Variants in SRGAP3 observed in about 807,000 individuals in gnomAD.
SRGAP3 encodes SLIT-ROBO Rho GTPase activating protein 3.
Under a neutral mutation model 121.1 loss-of-function variants are expected in SRGAP3, and 39 were observed. That is an observed-to-expected ratio of 0.32 (90% CI 0.25 to 0.42). The LOEUF is 0.42. Among genes scored for constraint, SRGAP3 ranks in the 10% least tolerant of loss-of-function variants. The pLI is 1.00. For synonymous variants in SRGAP3, 601 were observed against 570.0 expected (o/e 1.05, Z -0.77); for missense variants, 1,213 against 1,470.6 (o/e 0.82, Z 2.86).
rs117444229 is a variant in SRGAP3, at chr3:9,114,582, G to C, written c.261-9740C>G. Among the ~76,000 whole-genome samples the C allele has an allele frequency of 3.3e-4, 50 of 152,298 alleles. No individual in the cohort carries two copies. In the East Asian group the frequency reaches 7.7e-3, roughly 24 times the overall value. The stretch of plus-strand genomic sequence containing the variant: ...CCATTCCTCACACTGCAGCATGAGG[G>C]TACACGTTGGTGTCTGGTGTCCAGC... On this transcript the variant is annotated intron_variant, in intron 2 of 21. Transcript: ENST00000383836.
In SRGAP3 at chr3:9,110,030, T is replaced by C. The variant is rs1364728702; in HGVS notation, c.261-5188A>G. ...GTCAGCAGGCAGACCTTGAAGGGTT[T>C]ACAGAAGGGGAGTGAAAGGGTAAAA... On this transcript the variant is annotated intron_variant, in intron 2 of 21. Transcript: ENST00000383836. 2.0e-5 allele frequency among the ~76,000 whole-genome samples: 3 copies of C among 152,128 alleles called. No homozygotes were observed. The East Asian group carries it at 5.8e-4, about 29-fold the overall frequency.
chr3:9,220,433 G>T (rs1233206007), intron 1 of SRGAP3, among the ~76,000 whole-genome samples: 2 of 152,142 alleles, frequency 1.3e-5, no homozygotes, highest in Non-Finnish European at 2.9e-5. Context: ...AGCCTCCTCT[G>T]CAGCTCCTGG....
intron 12 of SRGAP3, 29 bp downstream of exon 12, chr3:9,032,621 C>T (rs746018151): frequency 8.7e-6 from 14 of 1,601,502 alleles, no homozygotes; most frequent in Admixed American, 1.7e-5. Context: ...TGGGTGCATT[C>T]GCGGACTCCA....
chr3:9,127,742 C>T (rs756338623), intron 1 of SRGAP3, among the ~76,000 whole-genome samples: 32 of 152,072 alleles, frequency 2.1e-4, no homozygotes, highest in African/African-American at 5.3e-4. Context: ...CCACTGCACC[C>T]GGCCTAGTAA....
intron 3 of SRGAP3, among the ~76,000 whole-genome samples, chr3:9,286,792 C>T (rs951796297): frequency 2.0e-5 from 3 of 150,826 alleles, no homozygotes; most frequent in Non-Finnish European, 3.0e-5. Flanking sequence ...TTAGTAGAGA[C>T]GGGGTCTCAC....
At chr3:9,174,753 G>A (rs1951116155) in intron 1 of SRGAP3, among the ~76,000 whole-genome samples, 1 of 152,128 alleles carries the variant, frequency 6.6e-6, no homozygotes, top group African/African-American at 2.4e-5. Context: ...TCCTCCAGGG[G>A]GACTCCCATT....
At chr3:9,097,455 A>T (rs1038656002) in intron 3 of SRGAP3, among the ~76,000 whole-genome samples, 1 of 152,194 alleles carries the variant, frequency 6.6e-6, no homozygotes, top group Admixed American at 6.5e-5. Context: ...CTCACACAGC[A>T]GGAAAGTGGC....
At position 9,187,682 on chromosome 3, in the gene SRGAP3, C is replaced by T. The variant is rs1951640281; in HGVS notation, c.67+61203G>A. ...TCTGTGTTGCTTCTTGCTGACAGGG[C>T]ATGCTCTGCCTCTCTCTCCTGCCCT... On this transcript the variant is annotated intron_variant, in intron 1 of 21. Transcript: ENST00000383836. Among the ~76,000 whole-genome samples, 2 of 152,194 alleles carry T rather than the reference C, an allele frequency of 1.3e-5. 1 individual carries two copies. Among genetic ancestry groups the T allele is most frequent in the Non-Finnish European group, 2.9e-5 (2 of 68,048 alleles).
chr3:9,175,283 T>C (rs911008278), intron 1 of SRGAP3, among the ~76,000 whole-genome samples: 3 of 152,216 alleles, frequency 2.0e-5, no homozygotes, highest in Non-Finnish European at 2.9e-5. Context: ...TGTCTTATAC[T>C]TTGGTTTCTT....
Position 9,249,232 on chromosome 3 carries a change from CAA to C in SRGAP3, c.-283_-282del, listed in dbSNP as rs1559242380. On this transcript the variant is annotated 5_prime_UTR_variant, in exon 1 of 22. The change abolishes the stop of an existing upstream ORF in the 5' untranslated region. Coordinates refer to ENST00000383836, the MANE Select transcript of SRGAP3 (RefSeq NM_014850.4). ...AGCACAGTAACCTGCCCCAGATTTTCAAAGATTTTTCTTCCAAAAATAATAAT... is the reference window on the plus strand; with the variant it reads ...AGCACAGTAACCTGCCCCAGATTTTCAGATTTTTCTTCCAAAAATAATAAT... 1 of 524,528 alleles carries C rather than the reference CAA, an allele frequency of 1.9e-6. No homozygotes were observed. Among genetic ancestry groups the C allele is most frequent in the Non-Finnish European group, 3.4e-6 (1 of 290,218 alleles). The allele number at this position is 524,528 out of a possible 1,614,324, so 32.5% of individuals were successfully genotyped here.
At chr3:9,129,254 T>A (rs1949352076) in intron 1 of SRGAP3, among the ~76,000 whole-genome samples, 1 of 151,424 alleles carries the variant, frequency 6.6e-6, no homozygotes, top group South Asian at 2.1e-4. Context: ...TTGATACAGT[T>A]TTAAGAGAGT....
In SRGAP3 at chr3:8,985,036, T is replaced by C. The variant is rs909184969; in HGVS notation, c.*483A>G. The stretch of plus-strand genomic sequence containing the variant: ...AAGTTTCATAAAAAGAAAAAGGAGA[T>C]ACTATATACACTTAGTATGCGTGTG... On this transcript the variant is annotated 3_prime_UTR_variant, in exon 22 of 22. Coordinates refer to ENST00000383836, the MANE Select transcript of SRGAP3 (RefSeq NM_014850.4). The surrounding 1 kb of genome is among the most constrained non-coding windows in gnomAD (Gnocchi z 5.1). The C allele has an allele frequency of 3.5e-5, 8 of 228,396 alleles. No homozygotes were observed. The highest frequency in any genetic ancestry group is 5.2e-5 in the Non-Finnish European group (6 of 115,066). The allele number at this position is 228,396 out of a possible 1,614,324, so 14.1% of individuals were successfully genotyped here.
intron 4 of SRGAP3, among the ~76,000 whole-genome samples, chr3:9,068,573 G>C (rs935971929): frequency 7.9e-5 from 12 of 152,292 alleles, no homozygotes; most frequent in African/African-American, 2.9e-4. Context: ...ACTTATGACA[G>C]ACAGCTGCCA....
Position 8,981,525 on chromosome 3 carries a change from C to T in SRGAP3, c.*3994G>A, listed in dbSNP as rs1941412907. On this transcript the variant is annotated 3_prime_UTR_variant, in exon 22 of 22. Coordinates refer to ENST00000383836, the MANE Select transcript of SRGAP3 (RefSeq NM_014850.4). ...CTCGTGTTTTTCCATTAGCTGTGGA[C>T]ATGCACTGAATGCCACATCACGACC... The T allele has an allele frequency of 8.6e-6, 2 of 232,714 alleles. No homozygotes were observed. Among genetic ancestry groups the T allele is most frequent in the Non-Finnish European group, 1.7e-5 (2 of 117,530 alleles). The allele number at this position is 232,714 out of a possible 1,614,324, so 14.4% of individuals were successfully genotyped here. A position where few individuals can be genotyped will look rare whatever the true frequency, so the allele number is the denominator to read the frequency against.
At chr3:9,027,428 G>T in intron 12 of SRGAP3, among the ~76,000 whole-genome samples, 1 of 152,162 alleles carries the variant, frequency 6.6e-6, no homozygotes, top group Admixed American at 6.5e-5. Flanking sequence ...CCTGATGTCA[G>T]AATTAAGGGC....
intron 1 of SRGAP3, among the ~76,000 whole-genome samples, chr3:9,153,877 G>A (rs371743419): frequency 9.9e-5 from 15 of 152,130 alleles, no homozygotes; most frequent in East Asian, 7.7e-4. Context: ...CTTTGGAATT[G>A]AAACCCCTGT....
rs1380137515 is a variant in SRGAP3, at chr3:9,249,095, C to T, written c.-144G>A. ...TAATCTCTTTCACTTGGCTGCAGAG[C>T]AGGGAGAAAAATCCTTCTCCTTCTG... On this transcript the variant is annotated 5_prime_UTR_variant, in exon 1 of 22. Coordinates refer to ENST00000383836, the MANE Select transcript of SRGAP3 (RefSeq NM_014850.4). The T allele has an allele frequency of 2.4e-6, 2 of 818,286 alleles. No homozygotes were observed. Among genetic ancestry groups the T allele is most frequent in the African/African-American group, 1.7e-5 (1 of 58,570 alleles). 50.7% of individuals were successfully genotyped at this position (818,286 alleles called of 1,614,324 possible).
In SRGAP3 at chr3:9,266,667, G is replaced by GTT. The variant is rs5846628; in HGVS notation, n.442+59341_442+59342dup. On this transcript the variant is annotated intron_variant and non_coding_transcript_variant, in intron 3 of 3. Coordinates refer to the SRGAP3 transcript ENST00000490889. ...GTTTTGGTTTGGTTTTGGTTTTTGG[G>GTT]TTTTTTTTTGCAGCACTGACCTTAG... Among the ~76,000 whole-genome samples the GTT allele has an allele frequency of 9.5e-3, 1,439 of 150,884 alleles. 30 individuals are homozygous for GTT. Among genetic ancestry groups the GTT allele is most frequent in the African/African-American group, 0.032 (1,326 of 41,182 alleles).
chr3:9,356,229 T>C (rs1455452345), intron 1 of SRGAP3, among the ~76,000 whole-genome samples: 1 of 147,376 alleles, frequency 6.8e-6, no homozygotes, highest in Admixed American at 6.8e-5. Context: ...GATCTCACTG[T>C]CACCCAGGCT....
Sources: allele counts gnomAD v4.1 joint callset (sites outside exome capture counted in the v4.1 genomes callset), GRCh38; gene constraint gnomAD v4.1.1; non-coding constraint Gnocchi (gnomAD v3.1); transcripts MANE v1.5; gene names NCBI Gene and HGNC (gene_info 2026-07-23, HGNC 2026-07-21).